MYO7A: variants seen among roughly 807,000 people sequenced by gnomAD.
The protein encoded by MYO7A is myosin VIIA, also known as unconventional myosin-VIIa.
MYO7A carries 210 observed loss-of-function variants against 263.8 expected under a neutral mutation model. The observed-to-expected ratio is 0.80, with a 90% CI of 0.71 to 0.89. The LOEUF is 0.89. Ranked by LOEUF, MYO7A falls within the 40% of genes least tolerant of loss-of-function variation. MYO7A has a pLI of 0.00. For missense variants in MYO7A, 2,820 were observed against 2,968.3 expected (o/e 0.95, Z 1.16); for synonymous variants, 1,239 against 1,197.3 (o/e 1.03, Z -0.72).
intron 15 of MYO7A, among the ~76,000 whole-genome samples, chr11:77,171,265 A>G (rs1591331114): frequency 6.6e-6 from 1 of 151,988 alleles, no homozygotes; most frequent in Admixed American, 6.6e-5. Context: ...GTGTGTGTGC[A>G]TGCGTATGCG....
In MYO7A at chr11:77,198,067, G is replaced by A. The variant is rs557510184; in HGVS notation, c.4442-428G>A. Among the ~76,000 whole-genome samples, 376 of 152,360 alleles carry A rather than the reference G, an allele frequency of 2.5e-3. 2 individuals are homozygous for A. The highest frequency in any genetic ancestry group is 8.8e-3 in the African/African-American group (366 of 41,588). ...GGCCGACTCTGTGAAGTCGAGAGTA[G>A]CAGATAAAAACCCACACAGGCCACT... On this transcript the variant is annotated intron_variant, in intron 33 of 48. Coordinates refer to ENST00000409709, the MANE Select transcript of MYO7A (RefSeq NM_000260.4).
At chr11:77,192,791 G>A (rs1956188499) in intron 31 of MYO7A, among the ~76,000 whole-genome samples, 1 of 10,156 alleles carries the variant, frequency 9.8e-5, no homozygotes, top group Non-Finnish European at 2.3e-4. Context: ...GAGGATAGTT[G>A]GTGGTAGTAA....
chr11:77,188,656 G>A (rs1955810751), intron 27 of MYO7A, among the ~76,000 whole-genome samples: 1 of 152,132 alleles, frequency 6.6e-6, no homozygotes, highest in African/African-American at 2.4e-5. Context: ...ATTTATGAGG[G>A]GTTCACTGTG....
rs192974675 is a variant in MYO7A, at chr11:77,150,532, G to A, written c.285+2582G>A. The stretch of plus-strand genomic sequence containing the variant: ...AGAGATTTATGGGTTCTCCAGAAAG[G>A]CCCCAAATCTGAACCATTTGCCTCA... On this transcript the variant is annotated intron_variant, in intron 4 of 48. Coordinates refer to ENST00000409709, the MANE Select transcript of MYO7A (RefSeq NM_000260.4). Among the ~76,000 whole-genome samples, 11 of 152,298 alleles carry A rather than the reference G, an allele frequency of 7.2e-5. No individual in the cohort carries two copies. In the East Asian group the frequency reaches 2.1e-3, roughly 29 times the overall value.
chr11:77,181,436 G>C lies in MYO7A; in HGVS notation c.2751G>C (p.Glu917Asp), dbSNP rs781982058. The change falls in exon 23 of 49, where the codon GAG becomes GAC. Residue 917 changes from glutamate to aspartate, a missense_variant. Physicochemically the swap from Glu to Asp is conservative, Grantham distance 45. Transcript: ENST00000409709. Reference sequence around the variant, plus strand: ...CTGAGCGGGAGCTGAAGGAGAAGGAGGCCGCTCGGCGGAAGAAGGAGCTCC... The same window carrying C: ...CTGAGCGGGAGCTGAAGGAGAAGGACGCCGCTCGGCGGAAGAAGGAGCTCC... The part of the protein sequence containing the change: ...EDAERELKEK[E>D]AARRKKELLE... 3.1e-6 allele frequency: 5 copies of C among 1,599,504 alleles called. No homozygotes were observed. In the South Asian group the frequency reaches 5.6e-5, roughly 18 times the overall value.
rs748233352 is a variant in MYO7A, at chr11:77,194,459, C to T, written c.4258C>T (p.Arg1420Cys). 3.7e-6 allele frequency: 6 copies of T among 1,609,824 alleles called. No homozygotes were observed. Among genetic ancestry groups the T allele is most frequent in the Non-Finnish European group, 4.2e-6 (5 of 1,178,310 alleles). The change falls in exon 32 of 49, where the codon CGC becomes TGC. Residue 1420 changes from arginine (R) to cysteine (C), a missense_variant. By Grantham distance (180) the Arg-to-Cys change is radical (BLOSUM62 -3). Coordinates refer to ENST00000409709, the MANE Select transcript of MYO7A (RefSeq NM_000260.4). ...CCTCGTGCCCACCTACATCCCCGAC[C>T]GCGAGATCACGCCCCTGAAGACGCT... ...LNLVPTYIPD[R>C]EITPLKTLEK...
At chr11:77,140,841 G>C (rs1209538509) in intron 2 of MYO7A, among the ~76,000 whole-genome samples, 1 of 152,210 alleles carries the variant, frequency 6.6e-6, no homozygotes, top group Non-Finnish European at 1.5e-5. Context: ...TTTTCTGGGA[G>C]GAAGTTTGGG....
intron 12 of MYO7A, among the ~76,000 whole-genome samples, chr11:77,161,707 C>T (rs781906163): frequency 5.9e-5 from 9 of 152,222 alleles, no homozygotes; most frequent in Non-Finnish European, 1.3e-4. Flanking sequence ...TTTCCCAAGT[C>T]TTGTCAACCC....
chr11:77,145,432 G>T (rs1951494788), intron 3 of MYO7A, among the ~76,000 whole-genome samples: 1 of 152,160 alleles, frequency 6.6e-6, no homozygotes, highest in Non-Finnish European at 1.5e-5. Context: ...TCAGGCCGTG[G>T]CTGAGCACTG....
chr11:77,175,319 C>G, intron 17 of MYO7A, 53 bp from the exon 18 acceptor site: 1 of 1,545,074 alleles, frequency 6.5e-7, no homozygotes, highest in South Asian at 1.1e-5. Flanking sequence ...ACTCCGGAGG[C>G]CTTCCCACTG....
intron 3 of MYO7A, among the ~76,000 whole-genome samples, chr11:77,144,855 C>T (rs1951455713): frequency 6.6e-6 from 1 of 152,216 alleles, no homozygotes; most frequent in Non-Finnish European, 1.5e-5. Flanking sequence ...TACACCCCTC[C>T]TTCCCTTCCT....
intron 4 of MYO7A, among the ~76,000 whole-genome samples, chr11:77,154,608 C>G (rs1252417455): frequency 6.6e-6 from 1 of 152,066 alleles, no homozygotes; most frequent in Non-Finnish European, 1.5e-5. Context: ...CCTGGCTGCT[C>G]CCCTCCAGCC....
Position 77,147,799 on chromosome 11 carries a change from A to T in MYO7A, c.134A>T (p.Glu45Val). 1 of 1,609,626 alleles carries T rather than the reference A, an allele frequency of 6.2e-7. No individual in the cohort carries two copies. Among genetic ancestry groups the T allele is most frequent in the Middle Eastern group, 1.7e-4 (1 of 6,056 alleles). Residue 45 changes from glutamate (E) to valine (V), a missense_variant and splice_region_variant, in exon 4 of 49, where the codon GAA becomes GTA. Coordinates refer to ENST00000409709, the MANE Select transcript of MYO7A (RefSeq NM_000260.4). ...CGCTGACGTTCTGGCTCCCCGCAGG[A>T]ACACTGGATCTCTCCGCAGAACGCA... ...QVQVVDDEDN[E>V]HWISPQNATH...
At chr11:77,151,806 C>T (rs1393581656) in intron 4 of MYO7A, among the ~76,000 whole-genome samples, 1 of 152,236 alleles carries the variant, frequency 6.6e-6, no homozygotes, top group Non-Finnish European at 1.5e-5. Flanking sequence ...GGCCTCATTG[C>T]CAGTGGTGGC....
intron 32 of MYO7A, 92 bp downstream of exon 32, chr11:77,194,616 GC>G: frequency 7.3e-7 from 1 of 1,365,478 alleles, no homozygotes. Context: ...TGTTGGGGCT[GC>G]GGGGGATGGG....
intron 4 of MYO7A, among the ~76,000 whole-genome samples, chr11:77,152,693 C>T (rs782505103): frequency 6.6e-6 from 1 of 151,988 alleles, no homozygotes; most frequent in East Asian, 1.9e-4. Flanking sequence ...TCTTATGTGC[C>T]GTGCATGGTG....
At chr11:77,148,183 G>A (rs1457806531) in intron 4 of MYO7A, among the ~76,000 whole-genome samples, 1 of 152,230 alleles carries the variant, frequency 6.6e-6, no homozygotes, top group Non-Finnish European at 1.5e-5. Context: ...TGGTTGGGGT[G>A]GGGAGCGGTT....
chr11:77,214,529 C>A, intron 48 of MYO7A, 78 bp from the exon 49 acceptor site: 3 of 1,094,086 alleles, frequency 2.7e-6, no homozygotes, highest in South Asian at 2.7e-5. Flanking sequence ...ATTGCAGATT[C>A]CTGGGAGCTG....
intron 8 of MYO7A, 23 bp from the exon 9 acceptor site, chr11:77,158,254 C>T (rs370335540): frequency 1.9e-6 from 3 of 1,566,038 alleles, no homozygotes; most frequent in African/African-American, 1.4e-5. Context: ...TCTTGCACCC[C>T]ACTCTCCCAC....
Sources: allele counts gnomAD v4.1 joint callset (sites outside exome capture counted in the v4.1 genomes callset), GRCh38; gene constraint gnomAD v4.1.1; transcripts MANE v1.5; gene names NCBI Gene and HGNC (gene_info 2026-07-23, HGNC 2026-07-21).